DUS2: variants seen among roughly 807,000 people sequenced by gnomAD.
DUS2 encodes dihydrouridine synthase 2.
Under a neutral mutation model 71.3 loss-of-function variants are expected in DUS2, and 52 were observed. The observed-to-expected ratio is 0.73, with a 90% confidence interval of 0.58 to 0.92. The LOEUF (loss-of-function observed/expected upper bound fraction) is 0.92, where lower values mean the gene tolerates loss of function less well. Ranked by LOEUF, DUS2 falls within the 40% of genes least tolerant of loss-of-function variation. DUS2 has a pLI of 0.00. For missense variants in DUS2, 558 were observed against 622.6 expected (o/e 0.90, Z 1.10); for synonymous variants, 204 against 227.8 (o/e 0.90, Z 0.94).
chr16:68,076,291 C>G (rs933082528), intron 14 of DUS2, among the ~76,000 whole-genome samples: 2 of 152,172 alleles, frequency 1.3e-5, no homozygotes, highest in Non-Finnish European at 2.9e-5. Context: ...CACCTCCACC[C>G]ACTCCCTACT....
At chr16:68,061,984 TACTC>T (rs1176072335) in intron 8 of DUS2, among the ~76,000 whole-genome samples, 2 of 151,442 alleles carry the variant, frequency 1.3e-5, no homozygotes, top group Non-Finnish European at 2.9e-5. Context: ...CAGCCAGAGA[TACTC>T]TATCTATAGT....
At chr16:68,052,705 C>T (rs1315770335) in intron 4 of DUS2, among the ~76,000 whole-genome samples, 6 of 151,072 alleles carry the variant, frequency 4.0e-5, no homozygotes, top group East Asian at 3.9e-4. Flanking sequence ...TGCAGTGGCG[C>T]GATCTCAGCT....
intron 7 of DUS2, among the ~76,000 whole-genome samples, chr16:68,057,607 T>C (rs1003011177): frequency 6.6e-6 from 1 of 151,582 alleles, no homozygotes; most frequent in Non-Finnish European, 1.5e-5. Context: ...AGGCCAGGCC[T>C]GGTGGCTCAT....
At chr16:68,037,972 A>G in intron 2 of DUS2, 34 bp from the exon 3 acceptor site, 1 of 1,598,012 alleles carries the variant, frequency 6.3e-7, no homozygotes, top group Non-Finnish European at 8.5e-7. Context: ...TCTTCATTTG[A>G]ATTTCTGACT....
intron 2 of DUS2, among the ~76,000 whole-genome samples, chr16:68,033,634 ATTT>A (rs548683357): frequency 8.0e-6 from 1 of 125,346 alleles, no homozygotes; most frequent in Non-Finnish European, 1.7e-5. Flanking sequence ...ACAGGTGCTA[ATTT>A]TTTTTTTTTT....
chr16:68,069,839 A>G (rs1377808805), intron 10 of DUS2, among the ~76,000 whole-genome samples: 2 of 152,152 alleles, frequency 1.3e-5, no homozygotes, highest in East Asian at 3.9e-4. Flanking sequence ...GGGAAAAGCA[A>G]CATGACCTTG....
intron 2 of DUS2, among the ~76,000 whole-genome samples, chr16:68,029,517 G>A (rs1230119680): frequency 6.6e-6 from 1 of 151,882 alleles, no homozygotes; most frequent in African/African-American, 2.4e-5. Context: ...TACGATCTTG[G>A]CTCACTGCAG....
At position 68,079,179 on chromosome 16, in the gene DUS2, T is replaced by C. The variant is rs924280125; in HGVS notation, c.*193T>C. 1 of 471,858 alleles carries C rather than the reference T, an allele frequency of 2.1e-6. No individual in the cohort carries two copies. Among genetic ancestry groups the C allele is most frequent in the African/African-American group, 2.0e-5 (1 of 50,734 alleles). The allele number at this position is 471,858 out of a possible 1,614,324, so 29.2% of individuals were successfully genotyped here. On this transcript the variant is annotated 3_prime_UTR_variant, in exon 17 of 17. Coordinates refer to ENST00000565263, the MANE Select transcript of DUS2 (RefSeq NM_017803.5). ...GGTGGATCCTGGCCCCTTTGGTGGA[T>C]CTGAGTGACAGGGTCAAGTTCTCTT...
Position 68,076,635 on chromosome 16 carries a change from A to T in DUS2, c.1086A>T (p.Arg362Ser), listed in dbSNP as rs748239893. 8.7e-6 allele frequency: 14 copies of T among 1,613,470 alleles called. No homozygotes were observed. The highest frequency in any genetic ancestry group is 9.3e-6 in the Non-Finnish European group (11 of 1,179,634). Residue 362 changes from arginine to serine, a missense_variant, in exon 15 of 17, where the codon AGA becomes AGT. Physicochemically the swap from Arg to Ser is moderately radical, Grantham distance 110. Coordinates refer to ENST00000565263, the MANE Select transcript of DUS2 (RefSeq NM_017803.5). ...CTGCTTCCCTTCCTTTCCCCAGGAG[A>T]GCATACCCAGCCCAGATCACCCCTA... is the stretch of plus-strand genomic sequence containing the variant. ...VIKMAVKFDR[R>S]AYPAQITPKM...
Position 68,055,853 on chromosome 16 carries a change from A to G in DUS2, c.309-511A>G, listed in dbSNP as rs565254330. 3.5e-5 allele frequency among the ~76,000 whole-genome samples: 5 copies of G among 143,348 alleles called. No homozygotes were observed. The South Asian group carries it at 1.3e-3, about 36-fold the overall frequency. The allele number at this position is 143,348 out of a possible 152,430, so 94.0% of individuals were successfully genotyped here. ...ATTACTTTCAATGGCAAAAACCGCAATTACTTTTGCACCAACCTAATACAT... is the reference window on the plus strand; with the variant it reads ...ATTACTTTCAATGGCAAAAACCGCAGTTACTTTTGCACCAACCTAATACAT... On this transcript the variant is annotated intron_variant, in intron 6 of 16. Transcript: ENST00000565263.
At chr16:68,072,672 A>G (rs565518987) in intron 12 of DUS2, among the ~76,000 whole-genome samples, 90 of 148,706 alleles carry the variant, frequency 6.1e-4, no homozygotes, top group African/African-American at 2.1e-3. Flanking sequence ...CTGAAGTCAT[A>G]GGCCCACGTG....
At position 68,078,861 on chromosome 16, in the gene DUS2, A is replaced by AG. The variant is rs1352870380; in HGVS notation, c.1360dup (p.Glu454GlyfsTer4). 3.7e-6 allele frequency: 6 copies of AG among 1,613,782 alleles called. No individual in the cohort carries two copies. The highest frequency in any genetic ancestry group is 4.2e-6 in the Non-Finnish European group (5 of 1,179,882). Reference sequence around the variant, plus strand: ...GAGCCCTTCCTTGCACAAGCGAAAGAGGGAGGCTCCTGACCAAGACCCTGG... The same window carrying AG: ...GAGCCCTTCCTTGCACAAGCGAAAGAGGGGAGGCTCCTGACCAAGACCCTGG... On this transcript the variant is annotated frameshift_variant, in exon 17 of 17. Coordinates refer to ENST00000565263, the MANE Select transcript of DUS2 (RefSeq NM_017803.5). LOFTEE classifies it high-confidence loss of function.
At chr16:68,023,813 A>G (rs2033298046) in intron 1 of DUS2, 1 of 167,052 alleles carries the variant, frequency 6.0e-6, no homozygotes, top group South Asian at 2.1e-4. Context: ...AAGTTGGGTC[A>G]TCTTTTCTTC....
intron 16 of DUS2, 51 bp from the exon 17 acceptor site, chr16:68,078,698 C>T: frequency 6.5e-7 from 1 of 1,546,594 alleles, no homozygotes; most frequent in East Asian, 2.3e-5. Context: ...TAGAGTCAGG[C>T]CTCATAGCCC....
At chr16:68,051,708 G>A (rs753299739) in intron 4 of DUS2, among the ~76,000 whole-genome samples, 1 of 151,942 alleles carries the variant, frequency 6.6e-6, no homozygotes. Flanking sequence ...CTGTTTAAAG[G>A]CATATTATTT....
chr16:68,070,451 A>G (rs567139081), intron 11 of DUS2, among the ~76,000 whole-genome samples: 1 of 152,326 alleles, frequency 6.6e-6, no homozygotes, highest in South Asian at 2.1e-4. Context: ...GTACAGAGAC[A>G]GAGCAGGGGG....
chr16:68,070,307 A>G (rs756602691), intron 11 of DUS2, 87 bp downstream of exon 11: 1 of 1,321,930 alleles, frequency 7.6e-7, no homozygotes, highest in Non-Finnish European at 1.1e-6. Context: ...CTAGAGTGAA[A>G]AGTTTTAGGG....
intron 7 of DUS2, among the ~76,000 whole-genome samples, chr16:68,060,593 C>T (rs527406647): frequency 7.2e-5 from 11 of 152,216 alleles, no homozygotes; most frequent in Non-Finnish European, 1.5e-4. Context: ...GAATTACAGG[C>T]GTGAGCCACC....
chr16:68,061,505 C>T (rs1341908942), intron 8 of DUS2, among the ~76,000 whole-genome samples: 2 of 152,156 alleles, frequency 1.3e-5, no homozygotes, highest in East Asian at 1.9e-4. Flanking sequence ...GTGGATTGGC[C>T]TCTCCCAGGG....
Sources: allele counts gnomAD v4.1 joint callset (sites outside exome capture counted in the v4.1 genomes callset), GRCh38; gene constraint gnomAD v4.1.1; transcripts MANE v1.5; gene names NCBI Gene and HGNC (gene_info 2026-07-23, HGNC 2026-07-21).